The following CARD14 variants were observed in gnomAD, a reference collection of about 807,000 sequenced individuals.
The protein encoded by CARD14 is caspase recruitment domain family member 14.
Under a neutral mutation model 111.5 loss-of-function variants are expected in CARD14, and 107 were observed. The observed-to-expected ratio is 0.96, with a 90% CI of 0.82 to 1.13. The LOEUF (loss-of-function observed/expected upper bound fraction) is 1.13. Ranked by LOEUF, CARD14 falls within the 50% of genes most tolerant of loss-of-function variation. CARD14 has a pLI of 0.00. For missense variants in CARD14, 1,322 were observed against 1,362.3 expected (o/e 0.97, Z 0.47); for synonymous variants, 617 against 579.6 (o/e 1.06, Z -0.93).
rs777870319 is a variant in CARD14 at position 80,205,246 on chromosome 17, C to CCCTCCCTCCCTCCTCCCCTT, written c.2569+51_2569+70dup. ...GGAATCCCTCTACCCCTTCCACCTT[C>CCCTCCCTCCCTCCTCCCCTT]CCTCCCTCCCTCCTCCCCTTCCTCC... On this transcript the variant is annotated intron_variant, in intron 21 of 23. Coordinates refer to ENST00000648509, the MANE Select transcript of CARD14 (RefSeq NM_001366385.1). 5.4e-6 allele frequency: 8 copies of CCCTCCCTCCCTCCTCCCCTT among 1,485,824 alleles called. No individual in the cohort carries two copies. In the East Asian group the frequency reaches 1.1e-4, roughly 21 times the overall value. The allele number at this position is 1,485,824 out of a possible 1,614,324, so 92.0% of individuals were successfully genotyped here.
chr17:80,207,080 G>A lies in CARD14; in HGVS notation c.2802G>A (p.Lys934=), dbSNP rs904919908. 1 of 1,612,324 alleles carries A rather than the reference G, an allele frequency of 6.2e-7. No homozygotes were observed. The highest frequency in any genetic ancestry group is 1.7e-5 in the Admixed American group (1 of 60,014). Residue 934 remains lysine (K), a synonymous_variant, in exon 23 of 24, where the codon AAG becomes AAA. Coordinates refer to ENST00000648509, the MANE Select transcript of CARD14 (RefSeq NM_001366385.1). Reference sequence around the variant, plus strand: ...CTGTCAACGAGAAGATGGCAAAGAAGCTCAAGTAGGTGCACGCTGGGGGCT... The same window carrying A: ...CTGTCAACGAGAAGATGGCAAAGAAACTCAAGTAGGTGCACGCTGGGGGCT... ...HVSVNEKMAK[K]LKKGLQRLGT...
chr17:80,171,350 G>A (rs2039901175), intron 1 of CARD14, among the ~76,000 whole-genome samples: 1 of 144,514 alleles, frequency 6.9e-6, no homozygotes. Flanking sequence ...CCAGGGTCTT[G>A]CTCTGTCACC....
At chr17:80,190,331 G>A (rs1057047905) in intron 9 of CARD14, among the ~76,000 whole-genome samples, 2 of 152,136 alleles carry the variant, frequency 1.3e-5, no homozygotes, top group South Asian at 2.1e-4. Context: ...AGAGACGAGC[G>A]AGGCCGGGCG....
chr17:80,207,100 G>C lies in CARD14; in HGVS notation c.2807+15G>C, dbSNP rs767810230. The C allele has an allele frequency of 6.3e-7, 1 of 1,596,474 alleles. No homozygotes were observed. The highest frequency in any genetic ancestry group is 1.7e-5 in the Admixed American group (1 of 59,904). The stretch of plus-strand genomic sequence containing the variant: ...AAGAAGCTCAAGTAGGTGCACGCTG[G>C]GGGCTGGGCAGGGGCTTCGAAGCGG... On this transcript the variant is annotated intron_variant, in intron 23 of 23. Coordinates refer to ENST00000648509, the MANE Select transcript of CARD14 (RefSeq NM_001366385.1).
At chr17:80,206,402 C>T (rs1470340808) in intron 22 of CARD14, among the ~76,000 whole-genome samples, 1 of 152,090 alleles carries the variant, frequency 6.6e-6, no homozygotes, top group African/African-American at 2.4e-5. Context: ...TTGCTTGAGC[C>T]CAGGAATTTG....
Position 80,208,425 on chromosome 17 carries a change from T to G in CARD14, c.*80T>G. ...TCCTGTTCCTCAGCCCAGGCCCTCT[T>G]GGCACAGCTGTGGGCTCCTTGGCAC... On this transcript the variant is annotated 3_prime_UTR_variant, in exon 24 of 24. Coordinates refer to ENST00000648509, the MANE Select transcript of CARD14 (RefSeq NM_001366385.1). The G allele has an allele frequency of 7.6e-7, 1 of 1,316,856 alleles. No individual in the cohort carries two copies. Among genetic ancestry groups the G allele is most frequent in the Admixed American group, 2.3e-5 (1 of 43,088 alleles). The allele number at this position is 1,316,856 out of a possible 1,614,324, so 81.6% of individuals were successfully genotyped here.
chr17:80,183,864 C>A (rs746732324), intron 6 of CARD14, 49 bp from the exon 7 acceptor site: 126 of 1,428,064 alleles, frequency 8.8e-5, no homozygotes, highest in Non-Finnish European at 1.1e-4. Flanking sequence ...ACCTGCCCAC[C>A]TATTACCTCC....
chr17:80,185,083 C>G (rs1197993657), intron 7 of CARD14, among the ~76,000 whole-genome samples: 1 of 152,152 alleles, frequency 6.6e-6, no homozygotes, highest in Non-Finnish European at 1.5e-5. Context: ...GAGGCACTAT[C>G]TCGCTCTGTC....
At chr17:80,199,545 G>A (rs1598681248) in intron 16 of CARD14, among the ~76,000 whole-genome samples, 1 of 118,502 alleles carries the variant, frequency 8.4e-6, no homozygotes, top group Non-Finnish European at 1.7e-5. Context: ...CTGGGTGACA[G>A]AGCAAAGCCT....
intron 16 of CARD14, among the ~76,000 whole-genome samples, chr17:80,200,207 G>A (rs1462895221): frequency 6.6e-6 from 1 of 150,748 alleles, no homozygotes. Flanking sequence ...CACATGACCC[G>A]GGAAGCCTTT....
Position 80,189,737 on chromosome 17 carries a change from C to T in CARD14, c.844-16C>T, listed in dbSNP as rs1188885420. On this transcript the variant is annotated splice_polypyrimidine_tract_variant and intron_variant, in intron 8 of 23. Transcript: ENST00000648509. The surrounding 1 kb of genome is among the most constrained non-coding windows in gnomAD (Gnocchi z 4.7). ...TGGGGAAGCCAGCACCCCAGGCTGACCTCTCTCTGCCCCAGGCGGAGAAGG... is the reference window on the plus strand; with the variant it reads ...TGGGGAAGCCAGCACCCCAGGCTGATCTCTCTCTGCCCCAGGCGGAGAAGG... 6.4e-7 allele frequency: 1 copy of T among 1,554,336 alleles called. No homozygotes were observed. The highest frequency in any genetic ancestry group is 2.1e-5 in the Admixed American group (1 of 47,570).
chr17:80,199,547 G>GTGAGA, intron 16 of CARD14, among the ~76,000 whole-genome samples: 2 of 109,504 alleles, frequency 1.8e-5, no homozygotes, highest in African/African-American at 3.5e-5. Flanking sequence ...GGGTGACAGA[G>GTGAGA]CAAAGCCTTG....
chr17:80,191,300 C>T, intron 10 of CARD14, 23 bp from the exon 11 acceptor site: 1 of 1,601,094 alleles, frequency 6.2e-7, no homozygotes, highest in East Asian at 2.2e-5. Flanking sequence ...GCGCGGCCTC[C>T]TTACTCCCGT....
At position 80,208,621 on chromosome 17, in the gene CARD14, G is replaced by A; in HGVS notation, c.*276G>A. 2.6e-6 allele frequency: 1 copy of A among 389,376 alleles called. No individual in the cohort carries two copies. The highest frequency in any genetic ancestry group is 4.6e-6 in the Non-Finnish European group (1 of 218,484). The allele number at this position is 389,376 out of a possible 1,614,324, so 24.1% of individuals were successfully genotyped here. ...AACCCTGAGAATGTTTCTGCAGTGG[G>A]ACAGGAGGGACGTCTTCCCATGCCT... On this transcript the variant is annotated 3_prime_UTR_variant, in exon 24 of 24. Transcript: ENST00000648509.
rs377226624 is a variant in CARD14, at chr17:80,195,249, G to A, written c.1415G>A (p.Arg472His). 87 of 1,612,144 alleles carry A rather than the reference G, an allele frequency of 5.4e-5. No homozygotes were observed. In the African/African-American group the frequency reaches 7.1e-4, roughly 13 times the overall value. Residue 472 changes from arginine to histidine, a missense_variant, in exon 13 of 24, where the codon CGC becomes CAC. Arg to His is a conservative substitution (Grantham distance 29, BLOSUM62 0). Coordinates refer to ENST00000648509, the MANE Select transcript of CARD14 (RefSeq NM_001366385.1). This position sits in a 1 kb window ranked among gnomAD's most constrained non-coding sequence, Gnocchi z 4.7. ...AGCCGCGAGCTGGTGGACAGCTTCC[G>A]CTCCAGCAGCCCCGCGCCCCCCAGC... is the stretch of plus-strand genomic sequence containing the variant. ...TSSRELVDSF[R>H]SSSPAPPSQQ...
At chr17:80,192,974 T>C (rs2040576252) in intron 12 of CARD14, among the ~76,000 whole-genome samples, 2 of 152,148 alleles carry the variant, frequency 1.3e-5, no homozygotes, top group Non-Finnish European at 2.9e-5. Context: ...GGTCTTGAAC[T>C]CCTGACCTCA....
rs774167937 is a variant in CARD14, at chr17:80,192,487, G to A, written c.1240-16G>A. 2 of 1,604,758 alleles carry A rather than the reference G, an allele frequency of 1.2e-6. No homozygotes were observed. Among genetic ancestry groups the A allele is most frequent in the South Asian group, 1.1e-5 (1 of 90,756 alleles). On this transcript the variant is annotated splice_polypyrimidine_tract_variant and intron_variant, in intron 11 of 23. Coordinates refer to ENST00000648509, the MANE Select transcript of CARD14 (RefSeq NM_001366385.1). ...CTTTCCCGAATTAACCAGCCTGTCT[G>A]GCCTGTCTTTGGCAGCTCAAGCAGG... is the stretch of plus-strand genomic sequence containing the variant.
Position 80,182,820 on chromosome 17 carries a change from G to A in CARD14, c.349+30G>A. ...GAGCTCCGACTTTGACGGTTTGGCA[G>A]GCACTTCTAGGAACCTCAGGCTCCT... On this transcript the variant is annotated intron_variant, in intron 6 of 23. Coordinates refer to ENST00000648509, the MANE Select transcript of CARD14 (RefSeq NM_001366385.1). This position sits in a 1 kb window ranked among gnomAD's most constrained non-coding sequence, Gnocchi z 4.7. 2 of 1,613,406 alleles carry A rather than the reference G, an allele frequency of 1.2e-6. No homozygotes were observed. The highest frequency in any genetic ancestry group is 1.7e-5 in the Admixed American group (1 of 59,974).
chr17:80,195,349 C>A lies in CARD14; in HGVS notation c.1499+16C>A. The A allele has an allele frequency of 6.3e-7, 1 of 1,599,930 alleles. No homozygotes were observed. Among genetic ancestry groups the A allele is most frequent in the Non-Finnish European group, 8.5e-7 (1 of 1,170,186 alleles). On this transcript the variant is annotated intron_variant, in intron 13 of 23. Transcript: ENST00000648509. The surrounding 1 kb of genome is among the most constrained non-coding windows in gnomAD (Gnocchi z 4.7). ...GGTCTTTCAGGTAGAGCACTGGGGT[C>A]CTTCCTGGCACTGGGGTGGCACTGG...
Sources: gnomAD v4.1 joint callset for allele counts (sites outside exome capture counted in the v4.1 genomes callset) on GRCh38, gnomAD v4.1.1 for gene constraint, Gnocchi (gnomAD v3.1) non-coding constraint, MANE v1.5 for transcripts, NCBI Gene and HGNC (gene_info 2026-07-23, HGNC 2026-07-21) for gene names.